Variants in TMCO6 observed in about 807,000 individuals in gnomAD.
The protein encoded by TMCO6 is transmembrane and coiled-coil domains 6.
In TMCO6, 47 loss-of-function variants were observed where a neutral mutation model predicts 61.8. The ratio of observed to expected loss-of-function variants is 0.76; its 90% CI spans 0.60 to 0.97. TMCO6 has a LOEUF of 0.97. TMCO6 is among the 50% of genes least tolerant of loss of function. The probability of loss-of-function intolerance (pLI) is 0.00; values close to 1 mark genes in which losing one functional copy is unlikely to be tolerated. For synonymous variants in TMCO6, 261 were observed against 254.2 expected, an observed-to-expected ratio of 1.03 and a Z score of -0.25; for missense variants, 557 against 601.6, an observed-to-expected ratio of 0.93 and a Z score of 0.78.
the TMCO6 span, among the ~76,000 whole-genome samples, chr5:140,610,433 A>C: frequency 6.6e-6 from 1 of 152,084 alleles, no homozygotes; most frequent in Non-Finnish European, 1.5e-5. Flanking sequence ...TTCAGGGCTG[A>C]AGCACTTCTC....
At chr5:140,607,142 A>G in the TMCO6 span, among the ~76,000 whole-genome samples, 1 of 152,180 alleles carries the variant, frequency 6.6e-6, no homozygotes, top group Non-Finnish European at 1.5e-5. Context: ...ACTATTTACA[A>G]TGCTTTTCAT....
chr5:140,623,409 C>A, the TMCO6 span, among the ~76,000 whole-genome samples: 38 of 152,036 alleles, frequency 2.5e-4, no homozygotes, highest in South Asian at 3.1e-3. Context: ...AGATCTCCCC[C>A]ACCCCACAAA....
chr5:140,618,210 A>C, the TMCO6 span, among the ~76,000 whole-genome samples: 1 of 152,156 alleles, frequency 6.6e-6, no homozygotes, highest in Non-Finnish European at 1.5e-5. Flanking sequence ...TGGATGGATC[A>C]CTTGAGGTCA....
At chr5:140,638,017 T>C (rs1312717313), upstream of TMCO6, among the ~76,000 whole-genome samples, 1 of 152,150 alleles carries the variant, frequency 6.6e-6, no homozygotes, top group African/African-American at 2.4e-5. Context: ...CTTTCTTTTC[T>C]TTCTCTTAGG....
At chr5:140,618,757 A>C in the TMCO6 span, among the ~76,000 whole-genome samples, 2 of 152,308 alleles carry the variant, frequency 1.3e-5, no homozygotes, top group South Asian at 2.1e-4. Flanking sequence ...TGCTGGAACA[A>C]CTAGAAATCC....
At chr5:140,619,621 A>G in the TMCO6 span, among the ~76,000 whole-genome samples, 2 of 152,302 alleles carry the variant, frequency 1.3e-5, no homozygotes, top group African/African-American at 2.4e-5. Context: ...CAAAGAAAAA[A>G]AAAAGCAGTC....
chr5:140,639,875 C>CT, intron 2 of TMCO6, 24 bp downstream of exon 2: 1 of 1,574,480 alleles, frequency 6.4e-7, no homozygotes, highest in Non-Finnish European at 8.6e-7. Flanking sequence ...GTAGGGTGCG[C>CT]TGGAGTCCAC....
chr5:140,614,997 GA>G, the TMCO6 span, among the ~76,000 whole-genome samples: 1 of 152,160 alleles, frequency 6.6e-6, no homozygotes, highest in African/African-American at 2.4e-5. Context: ...AATTGGAAAG[GA>G]AGAAGTAAAA....
At chr5:140,634,572 G>A (rs777290899), upstream of TMCO6, among the ~76,000 whole-genome samples, 1 of 136,504 alleles carries the variant, frequency 7.3e-6, no homozygotes, top group Non-Finnish European at 1.5e-5. Flanking sequence ...TGCAACCTCC[G>A]CCTCCCAAGT....
chr5:140,638,718 G>C (rs984383442), upstream of TMCO6: 3 of 151,840 alleles, frequency 2.0e-5, no homozygotes, highest in African/African-American at 7.3e-5. Context: ...CACTACTCCC[G>C]GCTAATTTTT....
At position 140,642,591 on chromosome 5, in the gene TMCO6, C is replaced by T. The variant is rs1211648560; in HGVS notation, c.609C>T (p.Pro203=). 1 of 1,614,244 alleles carries T rather than the reference C, an allele frequency of 6.2e-7. No individual in the cohort carries two copies. The highest frequency in any genetic ancestry group is 8.5e-7 in the Non-Finnish European group (1 of 1,180,038). Residue 203 remains proline (P), a synonymous_variant, in exon 6 of 12, where the codon CCC becomes CCT. Coordinates refer to ENST00000394671, the MANE Select transcript of TMCO6 (RefSeq NM_018502.5). ...CTTACCCTGTCTACTTCCAGTCCCCCCATGTGGCTGTGCTGGAAGCTCTCG... is the reference window on the plus strand; with the variant it reads ...CTTACCCTGTCTACTTCCAGTCCCCTCATGTGGCTGTGCTGGAAGCTCTCG... ...VPALAACIQS[P]HVAVLEALGY...
chr5:140,635,805 G>A (rs1050159881), upstream of TMCO6, among the ~76,000 whole-genome samples: 14 of 152,212 alleles, frequency 9.2e-5, no homozygotes, highest in Non-Finnish European at 1.9e-4. Context: ...TCTGGAGAAA[G>A]GAACAGCCAG....
intron 6 of TMCO6, 79 bp from the exon 7 acceptor site, chr5:140,642,846 C>T: frequency 6.2e-7 from 1 of 1,610,524 alleles, no homozygotes. Flanking sequence ...TTTGGACACT[C>T]TCCCACCTGC....
chr5:140,641,543 A>T, intron 2 of TMCO6, 122 bp from the exon 3 acceptor site: 1 of 742,998 alleles, frequency 1.3e-6, no homozygotes, highest in Non-Finnish European at 2.3e-6. Context: ...TAGTTGCATT[A>T]GTGTGAATGA....
chr5:140,632,935 C>A, the TMCO6 span: 5 of 1,614,168 alleles, frequency 3.1e-6, no homozygotes. The surrounding 1 kb of genome is among the most constrained non-coding windows in gnomAD (Gnocchi z 6.2). Flanking sequence ...GTCGCAGAGA[C>A]GTGCACCAGC....
chr5:140,601,573 G>A, the TMCO6 span, among the ~76,000 whole-genome samples: 1 of 152,024 alleles, frequency 6.6e-6, no homozygotes, highest in Non-Finnish European at 1.5e-5. Flanking sequence ...TTATTTTTTT[G>A]AGACAGAGTC....
At chr5:140,635,255 G>A (rs1275922335), upstream of TMCO6, among the ~76,000 whole-genome samples, 1 of 152,230 alleles carries the variant, frequency 6.6e-6, no homozygotes. Flanking sequence ...TATCCCTGAG[G>A]ACCAAGATAT....
chr5:140,632,058 A>G, the TMCO6 span: 12 of 1,614,088 alleles, frequency 7.4e-6, no homozygotes, highest in Admixed American at 1.3e-4. This position sits in a 1 kb window ranked among gnomAD's most constrained non-coding sequence, Gnocchi z 6.2. Context: ...CGCCCTGTTC[A>G]GTCTGTTGCA....
At chr5:140,605,692 A>C in the TMCO6 span, among the ~76,000 whole-genome samples, 3 of 118,676 alleles carry the variant, frequency 2.5e-5, no homozygotes, top group African/African-American at 9.0e-5. Flanking sequence ...AAAAAAACAA[A>C]ACACACACAC....
Sources: allele counts gnomAD v4.1 joint callset (sites outside exome capture counted in the v4.1 genomes callset), GRCh38; gene constraint gnomAD v4.1.1; non-coding constraint Gnocchi (gnomAD v3.1); transcripts MANE v1.5; gene names NCBI Gene and HGNC (gene_info 2026-07-23, HGNC 2026-07-21).